CNBD1: variants seen among roughly 807,000 people sequenced by gnomAD.
The protein encoded by CNBD1 is cyclic nucleotide-binding domain-containing protein 1.
CNBD1 carries 71 observed loss-of-function variants against 54.4 expected under a neutral mutation model. The ratio of observed to expected loss-of-function variants is 1.30; its 90% CI spans 1.08 to 1.59. CNBD1 has a LOEUF of 1.59. Among genes scored for constraint, CNBD1 ranks in the 40% most tolerant of loss-of-function variants. CNBD1 has a pLI of 0.00. For missense variants in CNBD1, 659 were observed against 518.0 expected (o/e 1.27, Z -2.64); for synonymous variants, 182 against 170.7 (o/e 1.07, Z -0.51).
chr8:87,068,689 T>C (rs1479130612), intron 4 of CNBD1, among the ~76,000 whole-genome samples: 4 of 152,114 alleles, frequency 2.6e-5, no homozygotes, highest in Non-Finnish European at 2.9e-5. Flanking sequence ...GTTTAGGATG[T>C]AACCTGTTTA....
At chr8:87,327,497 A>C (rs180906115) in intron 8 of CNBD1, among the ~76,000 whole-genome samples, 1 of 152,180 alleles carries the variant, frequency 6.6e-6, no homozygotes, top group East Asian at 1.9e-4. Flanking sequence ...TGTGGGATAT[A>C]GTTTCGTGGT....
chr8:86,995,440 C>G (rs1385578299), intron 4 of CNBD1, among the ~76,000 whole-genome samples: 1 of 152,154 alleles, frequency 6.6e-6, no homozygotes, highest in Admixed American at 6.5e-5. Flanking sequence ...CTGGATATGG[C>G]CCATAGGCCA....
intron 5 of CNBD1, among the ~76,000 whole-genome samples, chr8:87,227,956 C>T (rs1338705793): frequency 1.3e-5 from 2 of 150,062 alleles, no homozygotes; most frequent in Admixed American, 6.6e-5. Flanking sequence ...ATTCTTTTTT[C>T]TCTAAACTTC....
At chr8:87,316,207 G>T (rs563253330) in intron 8 of CNBD1, among the ~76,000 whole-genome samples, 1 of 151,958 alleles carries the variant, frequency 6.6e-6, no homozygotes, top group East Asian at 1.9e-4. Flanking sequence ...AAAAGAAATT[G>T]TTTTGTCATA....
chr8:87,130,394 T>C (rs1342627007), intron 4 of CNBD1, among the ~76,000 whole-genome samples: 2 of 152,182 alleles, frequency 1.3e-5, no homozygotes, highest in Non-Finnish European at 2.9e-5. Flanking sequence ...TTGAGTATAG[T>C]GTTGTATAAT....
At chr8:86,914,859 G>A (rs1809158141) in intron 3 of CNBD1, among the ~76,000 whole-genome samples, 3 of 152,154 alleles carry the variant, frequency 2.0e-5, no homozygotes, top group South Asian at 4.1e-4. Flanking sequence ...AAATGGAATA[G>A]TAAAGAAGAA....
At chr8:86,905,340 G>A (rs2131808702) in intron 3 of CNBD1, 146 bp downstream of exon 3, 1 of 509,188 alleles carries the variant, frequency 2.0e-6, no homozygotes, top group Non-Finnish European at 3.5e-6. Context: ...CAAGGAAACA[G>A]AAATTAGTTG....
At chr8:86,996,479 A>G (rs1381290886) in intron 4 of CNBD1, among the ~76,000 whole-genome samples, 1 of 152,226 alleles carries the variant, frequency 6.6e-6, no homozygotes, top group Non-Finnish European at 1.5e-5. Context: ...TAGGATTTCT[A>G]AAACATTCCT....
intron 3 of CNBD1, among the ~76,000 whole-genome samples, chr8:86,938,264 A>T (rs1396830824): frequency 6.6e-6 from 1 of 152,220 alleles, no homozygotes; most frequent in South Asian, 2.1e-4. Flanking sequence ...CATTTTGCTC[A>T]AAGCCATTTG....
intron 4 of CNBD1, among the ~76,000 whole-genome samples, chr8:87,160,593 A>G (rs1217248860): frequency 6.6e-6 from 1 of 152,288 alleles, no homozygotes; most frequent in African/African-American, 2.4e-5. Context: ...TAATAATTTC[A>G]TAATCTGCTT....
chr8:86,872,005 T>A (rs1381070200), intron 1 of CNBD1, among the ~76,000 whole-genome samples: 1 of 152,232 alleles, frequency 6.6e-6, no homozygotes, highest in Non-Finnish European at 1.5e-5. Context: ...TTTCAGTGAC[T>A]GCTCATCAGG....
At chr8:87,078,904 T>A (rs193110848) in intron 4 of CNBD1, among the ~76,000 whole-genome samples, 1,612 of 152,298 alleles carry the variant, frequency 0.011, 10 homozygotes, top group Middle Eastern at 0.02. Flanking sequence ...TTATGCATAA[T>A]TTATTTACAA....
chr8:87,112,575 C>G (rs1811685785), intron 4 of CNBD1, among the ~76,000 whole-genome samples: 1 of 152,146 alleles, frequency 6.6e-6, no homozygotes, highest in African/African-American at 2.4e-5. Context: ...AAGTTGCTCT[C>G]AGGAATAGTC....
chr8:87,259,320 A>G (rs11989592), intron 6 of CNBD1, among the ~76,000 whole-genome samples: 1,558 of 152,328 alleles, frequency 0.01, 30 homozygotes, highest in African/African-American at 0.031. Flanking sequence ...GGCTAATTCC[A>G]CATATCCCTA....
intron 4 of CNBD1, among the ~76,000 whole-genome samples, chr8:86,977,548 C>A (rs1239177498): frequency 1.3e-5 from 2 of 152,050 alleles, no homozygotes; most frequent in African/African-American, 4.8e-5. Flanking sequence ...GGAGACATTA[C>A]AACTGCTAAC....
At chr8:86,911,715 C>CT (rs1186315589) in intron 3 of CNBD1, among the ~76,000 whole-genome samples, 1 of 151,862 alleles carries the variant, frequency 6.6e-6, no homozygotes, top group Non-Finnish European at 1.5e-5. Flanking sequence ...TTTAGAAAAC[C>CT]TTAAAGATTC....
intron 8 of CNBD1, among the ~76,000 whole-genome samples, chr8:87,302,182 C>A (rs1563543690): frequency 1.3e-5 from 2 of 151,874 alleles, no homozygotes; most frequent in African/African-American, 2.4e-5. Flanking sequence ...AGAGACACAA[C>A]AAAAAAAGAG....
chr8:87,424,668 T>C (rs573168121), intron 2 of CNBD1, among the ~76,000 whole-genome samples: 5 of 152,290 alleles, frequency 3.3e-5, no homozygotes, highest in South Asian at 2.1e-4. Context: ...TTCTGGCTTG[T>C]ACGGTTTCTG....
At chr8:87,110,870 A>C (rs1343422421) in intron 4 of CNBD1, among the ~76,000 whole-genome samples, 2 of 152,240 alleles carry the variant, frequency 1.3e-5, no homozygotes, top group Admixed American at 1.3e-4. Flanking sequence ...TGCATTTGTC[A>C]GATCAATAGC....
Sources: gnomAD v4.1 joint callset for allele counts (sites outside exome capture counted in the v4.1 genomes callset) on GRCh38, gnomAD v4.1.1 for gene constraint, MANE v1.5 for transcripts, NCBI Gene and HGNC (gene_info 2026-07-23, HGNC 2026-07-21) for gene names.